ASPRV1: variants seen among roughly 807,000 people sequenced by gnomAD.
ASPRV1 encodes the protein retroviral-like aspartic protease 1.
Under a neutral mutation model 11.0 loss-of-function variants are expected in ASPRV1, and 7 were observed. The ratio of observed to expected loss-of-function variants is 0.64; its 90% CI spans 0.36 to 1.20. The LOEUF (loss-of-function observed/expected upper bound fraction) is 1.20, where lower values mean the gene tolerates loss of function less well. ASPRV1 is among the 50% of genes most tolerant of loss of function. The pLI is 0.02. For missense variants in ASPRV1, 299 were observed against 320.0 expected, an observed-to-expected ratio of 0.93 and a Z score of 0.50; for synonymous variants, 136 against 138.4, an observed-to-expected ratio of 0.98 and a Z score of 0.12.
At chr2:70,023,654 A>G in the ASPRV1 span, among the ~76,000 whole-genome samples, 2 of 149,084 alleles carry the variant, frequency 1.3e-5, no homozygotes, top group Non-Finnish European at 2.9e-5. Flanking sequence ...AGCCTGGGCA[A>G]CGGAGCAAGA....
At chr2:70,030,401 A>C in the ASPRV1 span, 1 of 152,080 alleles carries the variant, frequency 6.6e-6, no homozygotes. Context: ...CTTGCTAGGG[A>C]ATGAGTGAAG....
chr2:69,937,174 G>A, the ASPRV1 span: 2 of 1,598,790 alleles, frequency 1.3e-6, no homozygotes, highest in Admixed American at 1.7e-5. Context: ...GAAGATGCGG[G>A]GGCCATTGCC....
chr2:69,957,127 T>C (rs1159959917), downstream of ASPRV1, among the ~76,000 whole-genome samples: 1 of 152,188 alleles, frequency 6.6e-6, no homozygotes, highest in East Asian at 1.9e-4. Context: ...CAGATGATAG[T>C]GGTATTACAT....
chr2:69,973,469 T>G, the ASPRV1 span, among the ~76,000 whole-genome samples: 1 of 152,070 alleles, frequency 6.6e-6, no homozygotes, highest in African/African-American at 2.4e-5. Flanking sequence ...ACGCCTGGGC[T>G]CAAGAGATCC....
chr2:70,024,176 GA>G, the ASPRV1 span, among the ~76,000 whole-genome samples: 2 of 150,966 alleles, frequency 1.3e-5, no homozygotes, highest in Non-Finnish European at 2.9e-5. Flanking sequence ...GTAAGACTAT[GA>G]AAAATTTATT....
the ASPRV1 span, among the ~76,000 whole-genome samples, chr2:70,086,654 G>A: frequency 1.3e-5 from 2 of 152,360 alleles, no homozygotes; most frequent in Middle Eastern, 3.4e-3. Context: ...GCCTCCACAG[G>A]CGTACACTAT....
At chr2:70,019,807 A>AG in the ASPRV1 span, among the ~76,000 whole-genome samples, 6 of 152,194 alleles carry the variant, frequency 3.9e-5, no homozygotes. Flanking sequence ...AAAATTTGTT[A>AG]GACAGGAGGA....
the ASPRV1 span, among the ~76,000 whole-genome samples, chr2:69,982,731 C>G: frequency 6.6e-6 from 1 of 152,138 alleles, no homozygotes; most frequent in Non-Finnish European, 1.5e-5. Context: ...CTGCTTCCCC[C>G]CTTCTCAGGC....
chr2:70,076,086 A>C, the ASPRV1 span, among the ~76,000 whole-genome samples: 22,892 of 152,100 alleles, frequency 0.15, 2,707 homozygotes, highest in East Asian at 0.3. Flanking sequence ...CTTTGGATCT[A>C]GGGAAGAATC....
At chr2:70,034,877 G>C in the ASPRV1 span, 1 of 152,412 alleles carries the variant, frequency 6.6e-6, no homozygotes, top group Non-Finnish European at 1.5e-5. Context: ...GTAAAAAGGC[G>C]GCCAAGAATA....
At chr2:70,082,917 T>C in the ASPRV1 span, among the ~76,000 whole-genome samples, 4 of 151,684 alleles carry the variant, frequency 2.6e-5, no homozygotes, top group Admixed American at 6.6e-5. Flanking sequence ...AAATTAAAAA[T>C]AAAAAAATTA....
At chr2:70,036,640 T>G in the ASPRV1 span, among the ~76,000 whole-genome samples, 1 of 152,172 alleles carries the variant, frequency 6.6e-6, no homozygotes, top group African/African-American at 2.4e-5. Flanking sequence ...TTCTGTTACT[T>G]AAGTCACTAT....
chr2:69,937,194 A>G, the ASPRV1 span: 1 of 1,609,840 alleles, frequency 6.2e-7, no homozygotes, highest in Middle Eastern at 1.7e-4. Context: ...CCATTTAGAG[A>G]TCTCCCTGTG....
At chr2:69,932,762 CA>C in the ASPRV1 span, among the ~76,000 whole-genome samples, 1 of 152,134 alleles carries the variant, frequency 6.6e-6, no homozygotes, top group Non-Finnish European at 1.5e-5. Flanking sequence ...TATCAGTGGA[CA>C]AACTTCCTAA....
At chr2:69,989,655 C>G in the ASPRV1 span, among the ~76,000 whole-genome samples, 1 of 152,218 alleles carries the variant, frequency 6.6e-6, no homozygotes, top group Non-Finnish European at 1.5e-5. Context: ...CACGGGAAAA[C>G]AAGATGCTGA....
the ASPRV1 span, chr2:69,941,851 A>G: frequency 6.7e-6 from 1 of 149,508 alleles, no homozygotes; most frequent in Non-Finnish European, 1.5e-5. Context: ...ATTTTTGAAA[A>G]GTATCTATAT....
At chr2:70,083,339 A>T in the ASPRV1 span, among the ~76,000 whole-genome samples, 1 of 152,232 alleles carries the variant, frequency 6.6e-6, no homozygotes, top group Non-Finnish European at 1.5e-5. Flanking sequence ...TAAAATGGGC[A>T]TAAGACCCTA....
the ASPRV1 span, among the ~76,000 whole-genome samples, chr2:70,061,175 C>T: frequency 6.6e-6 from 1 of 151,988 alleles, no homozygotes; most frequent in Non-Finnish European, 1.5e-5. Flanking sequence ...GCAGGTGAAT[C>T]ACTTGAGGTC....
the ASPRV1 span, among the ~76,000 whole-genome samples, chr2:69,983,811 C>A: frequency 6.6e-6 from 1 of 152,256 alleles, no homozygotes; most frequent in East Asian, 1.9e-4. Flanking sequence ...TGAGGGGGAA[C>A]TACTTCTCCC....
Sources: gnomAD v4.1 joint callset for allele counts (sites outside exome capture counted in the v4.1 genomes callset) on GRCh38, gnomAD v4.1.1 for gene constraint, MANE v1.5 for transcripts, NCBI Gene and HGNC (gene_info 2026-07-23, HGNC 2026-07-21) for gene names.